The following PALLD variants were observed in gnomAD, a reference collection of about 807,000 sequenced individuals.
PALLD encodes the protein palladin, cytoskeletal associated protein.
A neutral mutation model predicts 123.5 loss-of-function variants in PALLD; 61 were observed. The ratio of observed to expected loss-of-function variants is 0.49; its 90% CI spans 0.40 to 0.61. The LOEUF is 0.61. Among genes scored for constraint, PALLD ranks in the 20% least tolerant of loss-of-function variants. PALLD has a pLI of 0.00. For synonymous variants in PALLD, 465 were observed against 496.4 expected (o/e 0.94, Z 0.84); for missense variants, 1,273 against 1,377.0 (o/e 0.92, Z 1.20).
At chr4:168,700,019 A>C in intron 8 of PALLD, 1 of 272,616 alleles carries the variant, frequency 3.7e-6, no homozygotes, top group Non-Finnish European at 7.4e-6. Flanking sequence ...TATTTTACAG[A>C]TGTCTTATAC....
At chr4:168,775,616 C>T in intron 10 of PALLD, among the ~76,000 whole-genome samples, 1 of 152,136 alleles carries the variant, frequency 6.6e-6, no homozygotes, top group East Asian at 1.9e-4. Context: ...AATCCAAGCT[C>T]ACAAAGATTT....
At chr4:168,818,751 A>T (rs955427338) in intron 10 of PALLD, among the ~76,000 whole-genome samples, 10 of 152,366 alleles carry the variant, frequency 6.6e-5, no homozygotes, top group Admixed American at 2.6e-4. Context: ...TAGAAGTCAA[A>T]TACACAGAAT....
chr4:168,535,476 T>C (rs1168283680), intron 2 of PALLD, among the ~76,000 whole-genome samples: 2 of 152,190 alleles, frequency 1.3e-5, no homozygotes, highest in African/African-American at 4.8e-5. Flanking sequence ...TTTTCTGTAA[T>C]TGAGATTCAG....
At chr4:168,612,023 G>A (rs1286466845) in intron 2 of PALLD, among the ~76,000 whole-genome samples, 1 of 152,088 alleles carries the variant, frequency 6.6e-6, no homozygotes, top group African/African-American at 2.4e-5. Flanking sequence ...AGCCAGGTGT[G>A]GTGGTACATG....
intron 10 of PALLD, among the ~76,000 whole-genome samples, chr4:168,851,419 G>T (rs1445765630): frequency 6.6e-6 from 1 of 152,010 alleles, no homozygotes; most frequent in Non-Finnish European, 1.5e-5. Flanking sequence ...CCAGGCTGGA[G>T]TGCAATGGCG....
chr4:168,829,646 C>G (rs1743912814), intron 10 of PALLD, among the ~76,000 whole-genome samples: 1 of 152,178 alleles, frequency 6.6e-6, no homozygotes, highest in Non-Finnish European at 1.5e-5. Flanking sequence ...TAGTCAGTGT[C>G]CCATCACAGC....
At chr4:168,672,544 T>C (rs1410364242) in intron 3 of PALLD, among the ~76,000 whole-genome samples, 1 of 152,036 alleles carries the variant, frequency 6.6e-6, no homozygotes, top group African/African-American at 2.4e-5. Flanking sequence ...CTGCAAGCTC[T>C]GCCTTCCGGG....
chr4:168,647,156 C>A (rs907883051), intron 2 of PALLD, among the ~76,000 whole-genome samples: 4 of 152,190 alleles, frequency 2.6e-5, no homozygotes, highest in Non-Finnish European at 5.9e-5. Flanking sequence ...TGAAAGGGAT[C>A]AAACATTTCA....
chr4:168,605,973 T>G (rs933561904), intron 2 of PALLD, among the ~76,000 whole-genome samples: 4 of 152,204 alleles, frequency 2.6e-5, no homozygotes, highest in African/African-American at 9.7e-5. Context: ...AATCTCTTTT[T>G]TTCATTAAAG....
intron 2 of PALLD, among the ~76,000 whole-genome samples, chr4:168,558,487 T>C (rs1767550975): frequency 6.6e-6 from 1 of 152,198 alleles, no homozygotes; most frequent in African/African-American, 2.4e-5. Flanking sequence ...CCCTCAGCTC[T>C]TTCACAAACA....
chr4:168,901,142 T>G (rs1756425658), intron 14 of PALLD, among the ~76,000 whole-genome samples: 1 of 152,256 alleles, frequency 6.6e-6, no homozygotes, highest in Non-Finnish European at 1.5e-5. Context: ...ATTCTCCTTC[T>G]CATTGTTTTC....
chr4:168,779,499 A>AATCATATATATATAAAAT (rs1735601401), intron 10 of PALLD, among the ~76,000 whole-genome samples: 3 of 150,930 alleles, frequency 2.0e-5, no homozygotes, highest in African/African-American at 7.3e-5. Context: ...ATATATAAAA[A>AATCATATATATATAAAAT]ATCATATATA....
intron 2 of PALLD, among the ~76,000 whole-genome samples, chr4:168,632,513 T>C (rs1436356283): frequency 2.0e-5 from 3 of 152,212 alleles, no homozygotes; most frequent in Non-Finnish European, 4.4e-5. Flanking sequence ...TTGTTTGTTT[T>C]CTTGGGTTTC....
intron 10 of PALLD, among the ~76,000 whole-genome samples, chr4:168,805,344 A>G (rs1295623103): frequency 6.6e-6 from 1 of 152,132 alleles, no homozygotes; most frequent in African/African-American, 2.4e-5. Flanking sequence ...GATTTGAGGT[A>G]AGCTTTGCTT....
intron 1 of PALLD, among the ~76,000 whole-genome samples, chr4:168,502,500 T>C (rs960366363): frequency 6.6e-6 from 1 of 152,218 alleles, no homozygotes; most frequent in African/African-American, 2.4e-5. Context: ...GTTATATGTA[T>C]ACACTAACAT....
intron 2 of PALLD, among the ~76,000 whole-genome samples, chr4:168,537,330 A>C (rs1358445443): frequency 6.6e-6 from 1 of 152,190 alleles, no homozygotes; most frequent in Non-Finnish European, 1.5e-5. Flanking sequence ...ATAACTAATA[A>C]CATACTTTTG....
chr4:168,523,514 C>T (rs1580122214), intron 2 of PALLD, among the ~76,000 whole-genome samples: 1 of 152,230 alleles, frequency 6.6e-6, no homozygotes, highest in East Asian at 1.9e-4. Flanking sequence ...CTTTGAACCA[C>T]TACAAAGACC....
rs57496563 is a variant in PALLD at position 168,794,506 on chromosome 4, G to GCACACACA, written c.1964+82609_1964+82616dup. Among the ~76,000 whole-genome samples the GCACACACA allele has an allele frequency of 7.5e-3, 1,078 of 143,918 alleles. 4 individuals are homozygous for GCACACACA. The highest frequency in any genetic ancestry group is 0.011 in the East Asian group (51 of 4,718). The allele number at this position is 143,918 out of a possible 152,430, so 94.4% of individuals were successfully genotyped here. A position where few individuals can be genotyped will look rare whatever the true frequency, so the allele number is the denominator to read the frequency against. On this transcript the variant is annotated intron_variant, in intron 10 of 21. Transcript: ENST00000505667. The stretch of plus-strand genomic sequence containing the variant: ...CACACACATGCACGCACACACACAC[G>GCACACACA]CACACACACACACACACACACACAC...
intron 10 of PALLD, among the ~76,000 whole-genome samples, chr4:168,888,233 T>C (rs1753644702): frequency 6.6e-6 from 1 of 152,224 alleles, no homozygotes; most frequent in South Asian, 2.1e-4. Context: ...TTGTAAAGTC[T>C]AGTGTTACCT....
Sources: allele counts gnomAD v4.1 joint callset (sites outside exome capture counted in the v4.1 genomes callset), GRCh38; gene constraint gnomAD v4.1.1; transcripts MANE v1.5; gene names NCBI Gene and HGNC (gene_info 2026-07-23, HGNC 2026-07-21).